Variants in MACO1 observed in about 807,000 individuals in gnomAD.
MACO1 encodes macoilin 1.
Under a neutral mutation model 78.7 loss-of-function variants are expected in MACO1, and 14 were observed. The ratio of observed to expected loss-of-function variants is 0.18; its 90% confidence interval spans 0.12 to 0.28. The LOEUF (loss-of-function observed/expected upper bound fraction) is 0.28, where lower values mean the gene tolerates loss of function less well. MACO1 is among the 10% of genes least tolerant of loss of function. The pLI is 1.00. For synonymous variants in MACO1, 288 were observed against 291.6 expected, an observed-to-expected ratio of 0.99 and a Z score of 0.12; for missense variants, 501 against 799.0, an observed-to-expected ratio of 0.63 and a Z score of 4.50.
chr1:25,458,536 C>G lies in MACO1; in HGVS notation c.798C>G (p.His266Gln). 1 of 1,613,708 alleles carries G rather than the reference C, an allele frequency of 6.2e-7. No individual in the cohort carries two copies. Among genetic ancestry groups the G allele is most frequent in the Non-Finnish European group, 8.5e-7 (1 of 1,179,814 alleles). ...AAAAGGACAAGGATGCCAAAAAACA[C>G]AACCTTGGAATAAATAACAACAATA... is the stretch of plus-strand genomic sequence containing the variant. ...GKEKDKDAKK[H>Q]NLGINNNNIL... Residue 266 changes from histidine to glutamine, a missense_variant, in exon 6 of 11, where the codon CAC (histidine) becomes CAG (glutamine). Around this residue, in one of 5 missense-constraint regions of MACO1, gnomAD observed 90 missense variants for 85.7 expected, o/e 1.05. Coordinates refer to ENST00000374343, the MANE Select transcript of MACO1 (RefSeq NM_018202.6).
chr1:25,440,029 A>AT (rs2042956042), intron 1 of MACO1, among the ~76,000 whole-genome samples: 1 of 151,906 alleles, frequency 6.6e-6, no homozygotes, highest in Admixed American at 6.6e-5. Flanking sequence ...AAAAAAAAAA[A>AT]AAGATTGAGA....
At chr1:25,443,136 C>A (rs2042986433) in intron 1 of MACO1, among the ~76,000 whole-genome samples, 1 of 152,100 alleles carries the variant, frequency 6.6e-6, no homozygotes. Context: ...AATCTTATGA[C>A]CTTCAGAATA....
chr1:25,491,588 G>A lies in MACO1; in HGVS notation c.1792+4G>A. 1 of 1,613,616 alleles carries A rather than the reference G, an allele frequency of 6.2e-7. No homozygotes were observed. Among genetic ancestry groups the A allele is most frequent in the South Asian group, 1.1e-5 (1 of 91,056 alleles). ...CGGCAGCTCGAGATTGCCCAAGGTA[G>A]GAGAACGTGGGCCCCTGGTGAGGTG... On this transcript the variant is annotated splice_donor_region_variant and intron_variant, in intron 10 of 10. Coordinates refer to ENST00000374343, the MANE Select transcript of MACO1 (RefSeq NM_018202.6).
rs1173431302 is a variant in MACO1, at chr1:25,498,565, T to C, written c.*99T>C. The C allele has an allele frequency of 7.8e-6, 9 of 1,148,332 alleles. No individual in the cohort carries two copies. The highest frequency in any genetic ancestry group is 1.6e-5 in the African/African-American group (1 of 64,452). The allele number at this position is 1,148,332 out of a possible 1,614,324, so 71.1% of individuals were successfully genotyped here. The stretch of plus-strand genomic sequence containing the variant: ...ATAAAAAAACAGTTTCTATTGTATT[T>C]TGTGGAACTGTATCTGTTGTCATTT... On this transcript the variant is annotated 3_prime_UTR_variant, in exon 11 of 11. Transcript: ENST00000374343.
chr1:25,493,553 T>G (rs1368056316), intron 10 of MACO1, among the ~76,000 whole-genome samples: 1 of 152,022 alleles, frequency 6.6e-6, no homozygotes. Context: ...CTCAGCCAAA[T>G]TAATTTATTA....
rs187559126 is a variant in MACO1, at chr1:25,453,386, G to A, written c.350-873G>A. The stretch of plus-strand genomic sequence containing the variant: ...TTCTTAGAAGTGGAATTTCTGGGCC[G>A]GGCACGGTGGCTCACGCCTGTAATC... On this transcript the variant is annotated intron_variant, in intron 3 of 10. Coordinates refer to ENST00000374343, the MANE Select transcript of MACO1 (RefSeq NM_018202.6). 2.7e-3 allele frequency among the ~76,000 whole-genome samples: 414 copies of A among 150,634 alleles called. 1 individual carries two copies. Among genetic ancestry groups the A allele is most frequent in the African/African-American group, 9.5e-3 (393 of 41,176 alleles).
At chr1:25,472,904 A>C (rs1019884270) in intron 6 of MACO1, among the ~76,000 whole-genome samples, 1 of 152,226 alleles carries the variant, frequency 6.6e-6, no homozygotes, top group African/African-American at 2.4e-5. Flanking sequence ...AAAATGTATG[A>C]AATTTTAGAA....
In MACO1 at chr1:25,491,600, C is replaced by A; in HGVS notation, c.1792+16C>A. ...ATTGCCCAAGGTAGGAGAACGTGGG[C>A]CCCTGGTGAGGTGGTGTGACTGATA... On this transcript the variant is annotated intron_variant, in intron 10 of 10. Coordinates refer to ENST00000374343, the MANE Select transcript of MACO1 (RefSeq NM_018202.6). 1 of 1,610,792 alleles carries A rather than the reference C, an allele frequency of 6.2e-7. No individual in the cohort carries two copies.
chr1:25,477,199 G>A (rs1322651339), intron 6 of MACO1, among the ~76,000 whole-genome samples: 1 of 152,148 alleles, frequency 6.6e-6, no homozygotes, highest in Admixed American at 6.5e-5. Flanking sequence ...GAGATATTGG[G>A]CACCGTGTGC....
rs764277439 is a variant in MACO1, at chr1:25,484,292, G to A, written c.1313+18G>A. 3.2e-6 allele frequency: 5 copies of A among 1,569,578 alleles called. No individual in the cohort carries two copies. Among genetic ancestry groups the A allele is most frequent in the Non-Finnish European group, 3.4e-6 (4 of 1,160,534 alleles). ...CAGAACAAGTACGTGCACCTTTCAGGCCTTTGGCCGTAAGCCCGGCAGCTT... is the reference window on the plus strand; with the variant it reads ...CAGAACAAGTACGTGCACCTTTCAGACCTTTGGCCGTAAGCCCGGCAGCTT... On this transcript the variant is annotated intron_variant, in intron 7 of 10. Transcript: ENST00000374343.
chr1:25,456,257 C>CAA (rs1044716470), intron 4 of MACO1, among the ~76,000 whole-genome samples: 7 of 86,412 alleles, frequency 8.1e-5, no homozygotes, highest in African/African-American at 8.6e-5. Flanking sequence ...GACTCCATTT[C>CAA]AAAAAAAAAA....
chr1:25,492,323 A>G (rs1187829379), intron 10 of MACO1, among the ~76,000 whole-genome samples: 1 of 152,162 alleles, frequency 6.6e-6, no homozygotes, highest in East Asian at 1.9e-4. Context: ...AGTTGGTGCA[A>G]TGATAGAAAT....
chr1:25,464,010 T>C (rs2043193845), intron 6 of MACO1, among the ~76,000 whole-genome samples: 1 of 147,574 alleles, frequency 6.8e-6, no homozygotes, highest in African/African-American at 2.7e-5. Flanking sequence ...CACATCATTA[T>C]CAGTTAGTCC....
intron 6 of MACO1, among the ~76,000 whole-genome samples, chr1:25,471,784 A>C (rs780522162): frequency 6.6e-6 from 1 of 152,192 alleles, no homozygotes; most frequent in African/African-American, 2.4e-5. Flanking sequence ...ACTCTTTGTT[A>C]TTTTTGAGGT....
chr1:25,455,103 TC>T (rs2043108271), intron 4 of MACO1, among the ~76,000 whole-genome samples: 1 of 152,190 alleles, frequency 6.6e-6, no homozygotes, highest in African/African-American at 2.4e-5. Context: ...TTTATTATAA[TC>T]AGGTAATGAT....
chr1:25,480,824 G>A (rs1435005515), intron 6 of MACO1, among the ~76,000 whole-genome samples: 3 of 149,974 alleles, frequency 2.0e-5, no homozygotes, highest in Non-Finnish European at 4.4e-5. Flanking sequence ...CCGGCTACTC[G>A]GGAGGCTGAG....
chr1:25,494,197 C>T (rs1457477648), intron 10 of MACO1, among the ~76,000 whole-genome samples: 1 of 152,082 alleles, frequency 6.6e-6, no homozygotes, highest in African/African-American at 2.4e-5. Flanking sequence ...CCTGACTGTA[C>T]TTTGAGAATT....
chr1:25,492,615 G>T (rs556006447), intron 10 of MACO1, among the ~76,000 whole-genome samples: 1 of 152,224 alleles, frequency 6.6e-6, no homozygotes, highest in African/African-American at 2.4e-5. Context: ...CAGTCAGACT[G>T]TATGGGACTT....
chr1:25,497,107 G>A (rs367897565), intron 10 of MACO1, among the ~76,000 whole-genome samples: 8 of 152,136 alleles, frequency 5.3e-5, no homozygotes, highest in East Asian at 3.9e-4. Context: ...TAGACCGGGC[G>A]CGGTGGCTCA....
Sources: gnomAD v4.1 joint callset for allele counts (sites outside exome capture counted in the v4.1 genomes callset) on GRCh38, gnomAD v4.1.1 for gene constraint, gnomAD v4.1.1 regional missense constraint, MANE v1.5 for transcripts, NCBI Gene and HGNC (gene_info 2026-07-23, HGNC 2026-07-21) for gene names.